Variants in COL19A1 observed in about 807,000 individuals in gnomAD.
COL19A1 encodes collagen alpha-1(XIX) chain.
In COL19A1, 159 loss-of-function variants were observed where a neutral mutation model predicts 190.2. The ratio of observed to expected loss-of-function variants is 0.84; its 90% CI spans 0.73 to 0.95. The LOEUF (loss-of-function observed/expected upper bound fraction) is 0.95, where lower values mean the gene tolerates loss of function less well. Ranked by LOEUF, COL19A1 falls within the 40% of genes least tolerant of loss-of-function variation. COL19A1 has a pLI of 0.00. For missense variants in COL19A1, 1,418 were observed against 1,431.9 expected, an observed-to-expected ratio of 0.99 and a Z score of 0.16; for synonymous variants, 509 against 458.9, an observed-to-expected ratio of 1.11 and a Z score of -1.39.
chr6:69,951,787 A>G (rs1000207450), intron 9 of COL19A1, among the ~76,000 whole-genome samples: 1 of 151,912 alleles, frequency 6.6e-6, no homozygotes, highest in African/African-American at 2.4e-5. Context: ...TATTTCACAG[A>G]TTAGGAAACA....
At chr6:70,044,242 A>G (rs6937838) in intron 14 of COL19A1, among the ~76,000 whole-genome samples, 89,793 of 152,060 alleles carry the variant, frequency 0.59, 27,261 homozygotes, top group African/African-American at 0.68. Context: ...ATTTGTGGCT[A>G]TTTGGGTCTT....
chr6:70,144,784 T>A (rs551570815), intron 24 of COL19A1, 134 bp from the exon 25 acceptor site: 49 of 668,694 alleles, frequency 7.3e-5, no homozygotes, highest in Non-Finnish European at 1.2e-4. Flanking sequence ...AGTTGGTGAG[T>A]GAGTGAGTGA....
At chr6:69,954,994 T>C (rs771781796) in intron 9 of COL19A1, among the ~76,000 whole-genome samples, 20 of 152,156 alleles carry the variant, frequency 1.3e-4, no homozygotes, top group Admixed American at 3.3e-4. Flanking sequence ...ATATCTTAAA[T>C]CATCTTTCAC....
intron 2 of COL19A1, among the ~76,000 whole-genome samples, chr6:69,887,639 A>T (rs1223075896): frequency 1.3e-5 from 2 of 152,254 alleles, no homozygotes; most frequent in Admixed American, 6.5e-5. Flanking sequence ...GGAATTACAC[A>T]GTATGTATTA....
intron 49 of COL19A1, among the ~76,000 whole-genome samples, chr6:70,201,791 A>G (rs1230484981): frequency 6.6e-6 from 1 of 152,250 alleles, no homozygotes; most frequent in African/African-American, 2.4e-5. Flanking sequence ...ATATCAGTAC[A>G]GTAGGCATGC....
intron 15 of COL19A1, among the ~76,000 whole-genome samples, chr6:70,083,985 TC>T (rs1554202509): frequency 4.0e-5 from 6 of 151,712 alleles, no homozygotes; most frequent in Non-Finnish European, 1.5e-5. Flanking sequence ...CAACCTTTTT[TC>T]CCCCCGGAAA....
In COL19A1 at chr6:69,936,873, A is replaced by C; in HGVS notation, c.836A>C (p.Gln279Pro). ...ATGTCTTCATATCTGCCAGCAAAGCAGGAACTTAAAGACCAGTGCCAGTGC... is the reference window on the plus strand; with the variant it reads ...ATGTCTTCATATCTGCCAGCAAAGCCGGAACTTAAAGACCAGTGCCAGTGC... ...SKMSSYLPAK[Q>P]ELKDQCQCIP... The change falls in exon 8 of 51, where the codon CAG becomes CCG. Residue 279 changes from glutamine to proline, a missense_variant. Physicochemically the swap from Gln to Pro is moderately conservative, Grantham distance 76. Coordinates refer to ENST00000620364, the MANE Select transcript of COL19A1 (RefSeq NM_001858.6). 6.2e-7 allele frequency: 1 copy of C among 1,613,196 alleles called. No individual in the cohort carries two copies. Among genetic ancestry groups the C allele is most frequent in the Non-Finnish European group, 8.5e-7 (1 of 1,179,292 alleles).
chr6:70,038,269 C>T (rs934108927), intron 14 of COL19A1, among the ~76,000 whole-genome samples: 3 of 152,202 alleles, frequency 2.0e-5, no homozygotes, highest in African/African-American at 7.2e-5. Context: ...AGTTAAAAAA[C>T]TTAACCAATA....
At chr6:70,137,176 C>A (rs1411013845) in intron 18 of COL19A1, among the ~76,000 whole-genome samples, 1 of 152,074 alleles carries the variant, frequency 6.6e-6, no homozygotes, top group African/African-American at 2.4e-5. Flanking sequence ...CCTTATTTGC[C>A]CACAGCCAAT....
rs753880270 is a variant in COL19A1 at position 70,188,098 on chromosome 6, CAG to C, written c.2883_2884del (p.Gly962LeufsTer4). ...AGGGTGATCAGGGGATTCCAGGAGA[CAG>C]AGGCTCACAAGGTGAACGGGGAAAA... ...ERGDQGIPGD[R>X]GSQGERGKPG... On this transcript the variant is annotated frameshift_variant, in exon 47 of 51. Coordinates refer to ENST00000620364, the MANE Select transcript of COL19A1 (RefSeq NM_001858.6). LOFTEE classifies it high-confidence loss of function. 5 of 1,613,286 alleles carry C rather than the reference CAG, an allele frequency of 3.1e-6. No individual in the cohort carries two copies. Among genetic ancestry groups the C allele is most frequent in the Non-Finnish European group, 3.4e-6 (4 of 1,179,636 alleles).
chr6:69,989,498 A>G (rs1404926108), intron 11 of COL19A1, among the ~76,000 whole-genome samples: 1 of 151,498 alleles, frequency 6.6e-6, no homozygotes, highest in African/African-American at 2.4e-5. Context: ...GGCCTAGAAC[A>G]GCTTTGAATG....
At chr6:69,966,790 A>G (rs1034225661) in intron 11 of COL19A1, among the ~76,000 whole-genome samples, 6 of 152,082 alleles carry the variant, frequency 3.9e-5, no homozygotes, top group East Asian at 1.9e-4. Flanking sequence ...TTAAAAAAAA[A>G]AAAAAGAAAA....
chr6:70,006,410 G>C (rs1777629130), intron 11 of COL19A1, among the ~76,000 whole-genome samples: 1 of 152,134 alleles, frequency 6.6e-6, no homozygotes, highest in African/African-American at 2.4e-5. Context: ...GGCTCCCCTG[G>C]CTCTCAGGTG....
chr6:70,158,011 G>A (rs948261489), intron 34 of COL19A1, among the ~76,000 whole-genome samples: 1 of 151,946 alleles, frequency 6.6e-6, no homozygotes, highest in South Asian at 2.1e-4. Flanking sequence ...CTTTTTCTTC[G>A]GTACCCCTCA....
At chr6:70,033,872 C>T (rs1434794302) in intron 12 of COL19A1, among the ~76,000 whole-genome samples, 2 of 152,032 alleles carry the variant, frequency 1.3e-5, no homozygotes, top group Non-Finnish European at 2.9e-5. Flanking sequence ...TTTTGGCAAG[C>T]TTAACAAAGG....
At chr6:70,164,368 G>A (rs1787999547) in intron 36 of COL19A1, among the ~76,000 whole-genome samples, 1 of 152,122 alleles carries the variant, frequency 6.6e-6, no homozygotes, top group Non-Finnish European at 1.5e-5. Flanking sequence ...TAAGAATCAA[G>A]AGTCCACATG....
At chr6:70,089,350 G>A (rs1206567019) in intron 15 of COL19A1, among the ~76,000 whole-genome samples, 1 of 152,026 alleles carries the variant, frequency 6.6e-6, no homozygotes, top group African/African-American at 2.4e-5. Flanking sequence ...GGGACAGTTA[G>A]GCATGTATTT....
chr6:69,931,181 T>A (rs1405824058), intron 6 of COL19A1, among the ~76,000 whole-genome samples: 1 of 152,224 alleles, frequency 6.6e-6, no homozygotes, highest in Non-Finnish European at 1.5e-5. Flanking sequence ...ATGATTTAGT[T>A]TTATTTCACC....
rs142879733 is a variant in COL19A1 at position 69,876,292 on chromosome 6, G to C, written c.-32-3244G>C. Among the ~76,000 whole-genome samples the C allele has an allele frequency of 1.1e-3, 169 of 152,302 alleles. 2 individuals are homozygous for C. The highest frequency in any genetic ancestry group is 1.9e-3 in the Non-Finnish European group (129 of 68,010). Reference sequence around the variant, plus strand: ...AAGGAAGTAATTAGGAGATGTCAAGGTCGAATTCATATGCTTATAGCTTTG... The same window carrying C: ...AAGGAAGTAATTAGGAGATGTCAAGCTCGAATTCATATGCTTATAGCTTTG... On this transcript the variant is annotated intron_variant, in intron 1 of 50. Transcript: ENST00000620364.
Sources: allele counts gnomAD v4.1 joint callset (sites outside exome capture counted in the v4.1 genomes callset), GRCh38; gene constraint gnomAD v4.1.1; transcripts MANE v1.5; gene names NCBI Gene and HGNC (gene_info 2026-07-23, HGNC 2026-07-21).